GNG7: variants seen among roughly 807,000 people sequenced by gnomAD.
The protein encoded by GNG7 is G protein subunit gamma 7.
Under a neutral mutation model 4.0 loss-of-function variants are expected in GNG7, and 1 was observed. The observed-to-expected ratio is 0.25, with a 90% CI of 0.09 to 1.18. The LOEUF (loss-of-function observed/expected upper bound fraction) is 1.18. Ranked by LOEUF, GNG7 falls within the 50% of genes most tolerant of loss-of-function variation. The probability of loss-of-function intolerance (pLI) is 0.50; values close to 1 mark genes in which losing one functional copy is unlikely to be tolerated. For missense variants in GNG7, 86 were observed against 91.9 expected (o/e 0.94, Z 0.26); for synonymous variants, 34 against 36.9 (o/e 0.92, Z 0.29).
rs1241518890 is a variant in GNG7, at chr19:2,626,877, C to T, written c.-78+19347G>A. 6.6e-6 allele frequency among the ~76,000 whole-genome samples: 1 copy of T among 151,292 alleles called. No homozygotes were observed. The highest frequency in any genetic ancestry group is 1.5e-5 in the Non-Finnish European group (1 of 67,730). On this transcript the variant is annotated intron_variant, in intron 2 of 4. Transcript: ENST00000382159. The surrounding 1 kb of genome is among the most constrained non-coding windows in gnomAD (Gnocchi z 5.0). Reference sequence around the variant, plus strand: ...AGCACCCTGCAGTGCCCAGGACGGCCTCACCCCAGAGAACAGTCCAGTGTC... The same window carrying T: ...AGCACCCTGCAGTGCCCAGGACGGCTTCACCCCAGAGAACAGTCCAGTGTC...
intron 1 of GNG7, among the ~76,000 whole-genome samples, chr19:2,661,304 G>GAAAC (rs1568277825): frequency 4.6e-5 from 4 of 87,010 alleles, no homozygotes; most frequent in African/African-American, 1.9e-4. Context: ...GAAAGAAAGA[G>GAAAC]AAAGAAAGAA....
chr19:2,564,484 G>C (rs1979842073), intron 2 of GNG7, among the ~76,000 whole-genome samples: 1 of 152,186 alleles, frequency 6.6e-6, no homozygotes, highest in Non-Finnish European at 1.5e-5. Flanking sequence ...GGAGGCACGA[G>C]AATTGCTTGA....
intron 3 of GNG7, among the ~76,000 whole-genome samples, chr19:2,537,071 C>A (rs1034891892): frequency 1.1e-4 from 17 of 150,838 alleles, no homozygotes; most frequent in African/African-American, 4.1e-4. Context: ...CTCAGCCTCC[C>A]GAGTAGCTGG....
intron 2 of GNG7, among the ~76,000 whole-genome samples, chr19:2,641,367 G>T (rs146651052): frequency 1.3e-5 from 2 of 152,204 alleles, no homozygotes; most frequent in Non-Finnish European, 2.9e-5. Flanking sequence ...CAGATGGGAT[G>T]AAGTTAAGGA....
chr19:2,552,891 C>G lies in GNG7; in HGVS notation c.-38+2258G>C, dbSNP rs188599593. 4.7e-4 allele frequency among the ~76,000 whole-genome samples: 68 copies of G among 144,756 alleles called. No individual in the cohort carries two copies. In the Middle Eastern group the frequency reaches 0.01, roughly 22 times the overall value. 95.0% of individuals were successfully genotyped at this position (144,756 alleles called of 152,430 possible). ...CCACTGTCTGTGGAAAAACTGTCTT[C>G]CACGAATCCACTCCCTGGGGCCAAA... On this transcript the variant is annotated intron_variant, in intron 3 of 4. Coordinates refer to ENST00000382159, the MANE Select transcript of GNG7 (RefSeq NM_052847.3).
intron 2 of GNG7, chr19:2,595,144 T>G (rs901378642): frequency 6.7e-6 from 1 of 149,628 alleles, no homozygotes; most frequent in Admixed American, 6.6e-5. Context: ...TTTTTTTTTT[T>G]TGAGACGGAG....
At chr19:2,529,481 G>C (rs62121679) in intron 3 of GNG7, among the ~76,000 whole-genome samples, 15,177 of 152,080 alleles carry the variant, frequency 0.1, 1,030 homozygotes, top group African/African-American at 0.19. Flanking sequence ...GCCTCCCAAA[G>C]TGCTGGGATG....
At chr19:2,568,334 CAT>C (rs1005943328) in intron 2 of GNG7, among the ~76,000 whole-genome samples, 44 of 150,264 alleles carry the variant, frequency 2.9e-4, no homozygotes, top group South Asian at 1.3e-3. Context: ...CATATACACA[CAT>C]ATAGACATAC....
At chr19:2,654,319 G>A (rs1395085871) in intron 1 of GNG7, among the ~76,000 whole-genome samples, 1 of 149,370 alleles carries the variant, frequency 6.7e-6, no homozygotes, top group Admixed American at 6.7e-5. Context: ...ATCCGAAACA[G>A]CACGGGTCCC....
At position 2,555,710 on chromosome 19, in the gene GNG7, C is replaced by T. The variant is rs148921962; in HGVS notation, c.-77-522G>A. Among the ~76,000 whole-genome samples, 448 of 152,198 alleles carry T rather than the reference C, an allele frequency of 2.9e-3. 4 individuals carry two copies. Among genetic ancestry groups the T allele is most frequent in the African/African-American group, 9.9e-3 (409 of 41,514 alleles). On this transcript the variant is annotated intron_variant, in intron 2 of 4. Coordinates refer to ENST00000382159, the MANE Select transcript of GNG7 (RefSeq NM_052847.3). ...CGGGGGGCAGGAAGGCCGGGGGTCT[C>T]ATGTGAGCCGCCCAGGGCCAGGAGG...
At chr19:2,670,202 G>A (rs1023984851) in intron 1 of GNG7, among the ~76,000 whole-genome samples, 3 of 152,088 alleles carry the variant, frequency 2.0e-5, no homozygotes, top group African/African-American at 7.2e-5. Context: ...TCCTCAGGGG[G>A]TGAAATAAGC....
chr19:2,684,135 ATTT>A (rs547594113), intron 1 of GNG7, among the ~76,000 whole-genome samples: 57 of 125,312 alleles, frequency 4.5e-4, no homozygotes, highest in South Asian at 2.0e-3. Flanking sequence ...CAGCCTGGCC[ATTT>A]TTTTTTTTTT....
At chr19:2,549,818 G>C (rs1010598727) in intron 3 of GNG7, among the ~76,000 whole-genome samples, 2 of 152,166 alleles carry the variant, frequency 1.3e-5, no homozygotes, top group African/African-American at 4.8e-5. Flanking sequence ...CAGCACACTT[G>C]TTGTGCACAA....
intron 2 of GNG7, among the ~76,000 whole-genome samples, chr19:2,588,776 G>A (rs561335877): frequency 2.9e-4 from 44 of 152,252 alleles, no homozygotes; most frequent in South Asian, 4.1e-4. Flanking sequence ...TGATCACACC[G>A]CAGACCCCAC....
intron 2 of GNG7, among the ~76,000 whole-genome samples, chr19:2,577,038 G>A (rs1167796697): frequency 6.6e-6 from 1 of 152,228 alleles, no homozygotes; most frequent in East Asian, 1.9e-4. Context: ...TGTCCCGTGT[G>A]CAAAGTTCCA....
At position 2,634,328 on chromosome 19, in the gene GNG7, A is replaced by G. The variant is rs919539134; in HGVS notation, c.-78+11896T>C. ...CCCTGGCCTCCACCCACTCCATGCC[A>G]GGAGCTCCCCCAAGTCGCGAAAACC... On this transcript the variant is annotated intron_variant, in intron 2 of 4. Coordinates refer to ENST00000382159, the MANE Select transcript of GNG7 (RefSeq NM_052847.3). The surrounding 1 kb of genome is among the most constrained non-coding windows in gnomAD (Gnocchi z 5.3). Among the ~76,000 whole-genome samples, 3 of 152,162 alleles carry G rather than the reference A, an allele frequency of 2.0e-5. No homozygotes were observed. The highest frequency in any genetic ancestry group is 4.4e-5 in the Non-Finnish European group (3 of 68,018).
Position 2,702,649 on chromosome 19 carries a change from C to CGCTCGGGCCCCGCGGCCG in GNG7, c.-156_-139dup, listed in dbSNP as rs1036273974. On this transcript the variant is annotated 5_prime_UTR_variant, in exon 1 of 5. Transcript: ENST00000382159. ...CCCGGTTCGCGGGCGCCCTTACCTG[C>CGCTCGGGCCCCGCGGCCG]GCTCGGGCCCCGCGGCCGCCTCAGC... 1.3e-5 allele frequency: 2 copies of CGCTCGGGCCCCGCGGCCG among 151,422 alleles called. No individual in the cohort carries two copies. Among genetic ancestry groups the CGCTCGGGCCCCGCGGCCG allele is most frequent in the Non-Finnish European group, 3.0e-5 (2 of 67,646 alleles). 9.4% of individuals were successfully genotyped at this position (151,422 alleles called of 1,614,324 possible).
At chr19:2,664,099 CG>C (rs968556126) in intron 1 of GNG7, among the ~76,000 whole-genome samples, 92 of 152,214 alleles carry the variant, frequency 6.0e-4, no homozygotes, top group African/African-American at 2.0e-3. Context: ...TATCCTCCAC[CG>C]CCCCCCAGGC....
At chr19:2,681,946 G>A (rs1983747071) in intron 1 of GNG7, among the ~76,000 whole-genome samples, 1 of 152,184 alleles carries the variant, frequency 6.6e-6, no homozygotes, top group Admixed American at 6.5e-5. Flanking sequence ...GTCTTGCTCT[G>A]TTGCCCAGGC....
Sources: allele counts gnomAD v4.1 joint callset (sites outside exome capture counted in the v4.1 genomes callset), GRCh38; gene constraint gnomAD v4.1.1; non-coding constraint Gnocchi (gnomAD v3.1); transcripts MANE v1.5; gene names NCBI Gene and HGNC (gene_info 2026-07-23, HGNC 2026-07-21).